Variants in DCAF6 observed in about 807,000 individuals in gnomAD.
The protein encoded by DCAF6 is DDB1 and CUL4 associated factor 6.
DCAF6 carries 54 observed loss-of-function variants against 125.1 expected under a neutral mutation model. The observed-to-expected ratio is 0.43, with a 90% CI of 0.35 to 0.54. The LOEUF (loss-of-function observed/expected upper bound fraction) is 0.54. Among genes scored for constraint, DCAF6 ranks in the 20% least tolerant of loss-of-function variants. The pLI, the probability that DCAF6 is intolerant of heterozygous loss-of-function variation, is 0.01. For missense variants in DCAF6, 934 were observed against 1,161.7 expected (o/e 0.80, Z 2.85); for synonymous variants, 371 against 390.4 (o/e 0.95, Z 0.58).
At chr1:167,937,405 C>T (rs1318484678) in intron 1 of DCAF6, among the ~76,000 whole-genome samples, 5 of 152,124 alleles carry the variant, frequency 3.3e-5, no homozygotes, top group Non-Finnish European at 7.4e-5. Flanking sequence ...TAAGTTGTTG[C>T]CCACCCTCTC....
chr1:168,007,769 C>T (rs545552633), intron 10 of DCAF6, among the ~76,000 whole-genome samples: 2 of 151,918 alleles, frequency 1.3e-5, no homozygotes, highest in Admixed American at 6.6e-5. Context: ...AGTTTGGGCT[C>T]TCTTCTCTTC....
chr1:167,999,089 T>G (rs1009999244), intron 7 of DCAF6, among the ~76,000 whole-genome samples: 2 of 152,178 alleles, frequency 1.3e-5, no homozygotes, highest in African/African-American at 4.8e-5. Flanking sequence ...AAATTACTCT[T>G]TGATCTATGG....
intron 13 of DCAF6, 83 bp from the exon 14 acceptor site, chr1:168,042,942 T>C: frequency 1.0e-6 from 1 of 1,001,292 alleles, no homozygotes; most frequent in Non-Finnish European, 1.5e-6. Context: ...TTGGTCTACC[T>C]TTCTAGTTGT....
the DCAF6 span, chr1:167,878,568 G>T: frequency 1.2e-6 from 2 of 1,614,170 alleles, no homozygotes; most frequent in Non-Finnish European, 8.5e-7. Context: ...AGGTGACAGA[G>T]TCGCAGGTCA....
intron 3 of DCAF6, among the ~76,000 whole-genome samples, chr1:167,967,996 G>A (rs1330848001): frequency 6.6e-6 from 1 of 152,066 alleles, no homozygotes; most frequent in South Asian, 2.1e-4. Context: ...CTCCCAAAGT[G>A]TTGGGATTAC....
At chr1:167,904,083 T>G in the DCAF6 span, 1 of 101,244 alleles carries the variant, frequency 9.9e-6, no homozygotes, top group Non-Finnish European at 1.9e-5. Context: ...GGGCCTCAGC[T>G]TTTTTTTTTT....
intron 1 of DCAF6, 180 bp downstream of exon 1, chr1:167,937,188 CT>C: frequency 1.6e-6 from 1 of 612,294 alleles, no homozygotes; most frequent in Non-Finnish European, 3.0e-6. Context: ...GTCAAGCCCC[CT>C]GTGCATGCTG....
At chr1:168,011,706 G>A (rs1035146980) in intron 10 of DCAF6, among the ~76,000 whole-genome samples, 1 of 152,104 alleles carries the variant, frequency 6.6e-6, no homozygotes, top group African/African-American at 2.4e-5. Context: ...GACCAGGTGT[G>A]GTAGCTCATG....
At chr1:167,879,039 T>G in the DCAF6 span, among the ~76,000 whole-genome samples, 1 of 152,224 alleles carries the variant, frequency 6.6e-6, no homozygotes, top group African/African-American at 2.4e-5. Flanking sequence ...AAATTGTGTC[T>G]GCATGCTCCT....
At chr1:168,023,113 C>A in intron 12 of DCAF6, 66 bp downstream of exon 12, 1 of 1,446,424 alleles carries the variant, frequency 6.9e-7, no homozygotes, top group Non-Finnish European at 9.7e-7. Context: ...ATATACTAAG[C>A]TCTCTCACAC....
Position 168,044,582 on chromosome 1 carries a change from C to T in DCAF6, c.1844-3C>T. The T allele has an allele frequency of 3.7e-6, 6 of 1,609,420 alleles. No individual in the cohort carries two copies. Among genetic ancestry groups the T allele is most frequent in the Non-Finnish European group, 5.1e-6 (6 of 1,176,302 alleles). On this transcript the variant is annotated splice_polypyrimidine_tract_variant and splice_region_variant and intron_variant, in intron 14 of 21. Coordinates refer to ENST00000367840, the MANE Select transcript of DCAF6 (RefSeq NM_001198956.2). ...GGATGACTGTAATTTGGTTTACTTA[C>T]AGAAGCTCCTGAAGAATCATCAGAG...
chr1:168,043,176 G>A (rs1217696304), intron 14 of DCAF6, 36 bp downstream of exon 14: 5 of 1,463,466 alleles, frequency 3.4e-6, no homozygotes, highest in East Asian at 2.3e-5. Context: ...TTATAAAATT[G>A]CAGCATTGGA....
upstream of DCAF6, among the ~76,000 whole-genome samples, chr1:167,933,804 T>A (rs1439882806): frequency 1.3e-5 from 2 of 152,244 alleles, no homozygotes; most frequent in African/African-American, 4.8e-5. Context: ...AACTTGTCGA[T>A]CATAAATAAT....
the DCAF6 span, among the ~76,000 whole-genome samples, chr1:167,888,809 G>GAGCTTGCAGTGAGCCGA: frequency 0.058 from 8,628 of 148,040 alleles, 677 homozygotes; most frequent in African/African-American, 0.18. Context: ...CCGGGAGGCG[G>GAGCTTGCAGTGAGCCGA]AGCGTGCAGT....
At chr1:167,916,356 G>A in the DCAF6 span, among the ~76,000 whole-genome samples, 5 of 152,064 alleles carry the variant, frequency 3.3e-5, no homozygotes, top group African/African-American at 1.2e-4. Flanking sequence ...ACAGGCGTGC[G>A]CCACCACACC....
intron 2 of DCAF6, among the ~76,000 whole-genome samples, chr1:167,955,753 C>G (rs1390345411): frequency 6.6e-6 from 1 of 152,082 alleles, no homozygotes; most frequent in African/African-American, 2.4e-5. Context: ...AATCAGGCAT[C>G]CTTGTCTTGT....
chr1:168,054,172 G>A (rs1020428116), intron 17 of DCAF6, among the ~76,000 whole-genome samples: 1 of 152,078 alleles, frequency 6.6e-6, no homozygotes, highest in African/African-American at 2.4e-5. Flanking sequence ...TTCATTTCCT[G>A]TTGCTTATGA....
At chr1:167,866,119 G>T in the DCAF6 span, among the ~76,000 whole-genome samples, 2 of 152,208 alleles carry the variant, frequency 1.3e-5, no homozygotes, top group Non-Finnish European at 1.5e-5. Flanking sequence ...AAGCGGATGT[G>T]TGGTGGTATT....
chr1:167,984,683 C>T (rs1466816515), intron 4 of DCAF6, among the ~76,000 whole-genome samples: 2 of 152,046 alleles, frequency 1.3e-5, no homozygotes, highest in African/African-American at 4.8e-5. Context: ...AGTAAAAATT[C>T]TCATTTTCCT....
Sources: allele counts gnomAD v4.1 joint callset (sites outside exome capture counted in the v4.1 genomes callset), GRCh38; gene constraint gnomAD v4.1.1; transcripts MANE v1.5; gene names NCBI Gene and HGNC (gene_info 2026-07-23, HGNC 2026-07-21).